The following DOCK7 variants were observed in gnomAD, a reference collection of about 807,000 sequenced individuals.
DOCK7 encodes dedicator of cytokinesis 7, also known as dedicator of cytokinesis protein 7.
Under a neutral mutation model 271.0 loss-of-function variants are expected in DOCK7, and 138 were observed. The ratio of observed to expected loss-of-function variants is 0.51; its 90% confidence interval spans 0.44 to 0.59. The LOEUF (loss-of-function observed/expected upper bound fraction) is 0.59, where lower values mean the gene tolerates loss of function less well. Among genes scored for constraint, DOCK7 ranks in the 20% least tolerant of loss-of-function variants. The probability of loss-of-function intolerance (pLI) is 0.00; values close to 1 mark genes in which losing one functional copy is unlikely to be tolerated. For synonymous variants in DOCK7, 823 were observed against 876.1 expected, an observed-to-expected ratio of 0.94 and a Z score of 1.07; for missense variants, 2,066 against 2,592.4, an observed-to-expected ratio of 0.80 and a Z score of 4.41.
At chr1:62,478,356 ACCCTCCAGAAG>A (rs1290401714) in intron 43 of DOCK7, 1 of 152,170 alleles carries the variant, frequency 6.6e-6, no homozygotes, top group African/African-American at 2.4e-5. Flanking sequence ...AAATGTCAAG[ACCCTCCAGAAG>A]CACTAATGCA....
Position 62,601,536 on chromosome 1 carries a change from T to C in DOCK7, c.1683-14912A>G, listed in dbSNP as rs76989076. 0.011 allele frequency among the ~76,000 whole-genome samples: 1,644 copies of C among 151,734 alleles called. 38 individuals carry two copies. Among genetic ancestry groups the C allele is most frequent in the African/African-American group, 0.037 (1,553 of 41,492 alleles). ...AGGTCACTGGACTCCAGACTGGTGA[T>C]AGAACAAGACTCTGTCTCTAAAAAA... is the stretch of plus-strand genomic sequence containing the variant. On this transcript the variant is annotated intron_variant, in intron 14 of 49. Coordinates refer to ENST00000635253, the MANE Select transcript of DOCK7 (RefSeq NM_001367561.1).
chr1:62,645,117 C>T (rs1232069775), intron 7 of DOCK7, among the ~76,000 whole-genome samples: 1 of 152,120 alleles, frequency 6.6e-6, no homozygotes, highest in East Asian at 1.9e-4. Flanking sequence ...TAAAATGGTG[C>T]AGCTGCTTTG....
At chr1:62,520,446 C>A (rs1319944924) in intron 31 of DOCK7, among the ~76,000 whole-genome samples, 1 of 147,376 alleles carries the variant, frequency 6.8e-6, no homozygotes, top group African/African-American at 2.5e-5. Flanking sequence ...AGGATATGAA[C>A]AGACACTTCT....
chr1:62,646,555 T>C (rs948161712), intron 7 of DOCK7, among the ~76,000 whole-genome samples: 24 of 152,016 alleles, frequency 1.6e-4, no homozygotes, highest in Non-Finnish European at 1.6e-4. Flanking sequence ...ACCAGAGACC[T>C]CTCTCTCTCT....
At chr1:62,549,200 A>G (rs1274860583) in intron 22 of DOCK7, among the ~76,000 whole-genome samples, 1 of 152,184 alleles carries the variant, frequency 6.6e-6, no homozygotes, top group African/African-American at 2.4e-5. Context: ...AAGCCAAATA[A>G]ATGAATAAAT....
At chr1:62,603,856 G>C (rs1459671523) in intron 14 of DOCK7, 7 of 967,632 alleles carry the variant, frequency 7.2e-6, no homozygotes, top group Non-Finnish European at 1.1e-5. Flanking sequence ...AATGATCAAG[G>C]GATTCAAGAC....
chr1:62,562,256 G>C (rs927972959), intron 18 of DOCK7, among the ~76,000 whole-genome samples: 7 of 22,902 alleles, frequency 3.1e-4, no homozygotes, highest in Non-Finnish European at 6.9e-4. Flanking sequence ...TTTTGAAATA[G>C]AGTCTCGCTC....
chr1:62,646,339 GAA>G (rs1184647206), intron 7 of DOCK7, among the ~76,000 whole-genome samples: 1 of 152,132 alleles, frequency 6.6e-6, no homozygotes, highest in African/African-American at 2.4e-5. Flanking sequence ...AGGTGCTGAG[GAA>G]AAGAGAGAAC....
chr1:62,625,165 T>C, intron 12 of DOCK7, 94 bp downstream of exon 12: 1 of 1,127,250 alleles, frequency 8.9e-7, no homozygotes, highest in Non-Finnish European at 1.2e-6. Context: ...GGAATCACCC[T>C]CCCATACATG....
chr1:62,653,006 T>C (rs1307746617), intron 4 of DOCK7, among the ~76,000 whole-genome samples: 2 of 152,210 alleles, frequency 1.3e-5, no homozygotes, highest in African/African-American at 4.8e-5. Flanking sequence ...CTTTTGCTAG[T>C]GCTATTTTGC....
At chr1:62,569,714 C>T (rs866091387) in intron 18 of DOCK7, among the ~76,000 whole-genome samples, 10 of 118,726 alleles carry the variant, frequency 8.4e-5, no homozygotes, top group Non-Finnish European at 1.2e-4. Flanking sequence ...CTCCCCCCTC[C>T]CCCCCCCCTT....
At chr1:62,495,749 C>A in intron 38 of DOCK7, 68 bp from the exon 39 acceptor site, 1 of 1,256,452 alleles carries the variant, frequency 8.0e-7, no homozygotes, top group Non-Finnish European at 1.1e-6. Flanking sequence ...AAATTAGTTT[C>A]AGAGATATTT....
At chr1:62,578,247 C>T (rs868175353) in intron 17 of DOCK7, among the ~76,000 whole-genome samples, 1 of 152,138 alleles carries the variant, frequency 6.6e-6, no homozygotes, top group Non-Finnish European at 1.5e-5. Context: ...TATATTTATA[C>T]TGCATTGTTG....
chr1:62,526,898 T>G (rs1645026554), intron 31 of DOCK7, among the ~76,000 whole-genome samples: 1 of 152,186 alleles, frequency 6.6e-6, no homozygotes, highest in Non-Finnish European at 1.5e-5. Context: ...AGTAGGTTAG[T>G]CACTCTCTAG....
intron 4 of DOCK7, among the ~76,000 whole-genome samples, chr1:62,650,136 G>T (rs1022600178): frequency 6.6e-6 from 1 of 152,026 alleles, no homozygotes; most frequent in Non-Finnish European, 1.5e-5. Flanking sequence ...CCCTCTTCTT[G>T]GCCCTCTCTA....
At chr1:62,489,733 T>C (rs1646404284) in intron 41 of DOCK7, among the ~76,000 whole-genome samples, 1 of 152,236 alleles carries the variant, frequency 6.6e-6, no homozygotes, top group Non-Finnish European at 1.5e-5. Context: ...TGTGTACTTA[T>C]CTATGCTTAT....
intron 14 of DOCK7, among the ~76,000 whole-genome samples, chr1:62,610,346 G>C (rs188168293): frequency 8.6e-5 from 13 of 151,986 alleles, no homozygotes; most frequent in African/African-American, 3.1e-4. Flanking sequence ...AAATGCTCCT[G>C]AATTTTCAGT....
At chr1:62,685,012 T>C (rs1192639823) in intron 1 of DOCK7, among the ~76,000 whole-genome samples, 4 of 152,226 alleles carry the variant, frequency 2.6e-5, no homozygotes, top group Non-Finnish European at 5.9e-5. Flanking sequence ...AACAGGCTTT[T>C]CACAGAGCAA....
rs145161774 is a variant in DOCK7, at chr1:62,579,998, C to T, written c.1872-1032G>A. ...AAGAGGGCACTTTTATAGAAAAGCACGGCTGCTATTCATAACAAAAAGGGA... is the reference window on the plus strand; with the variant it reads ...AAGAGGGCACTTTTATAGAAAAGCATGGCTGCTATTCATAACAAAAAGGGA... On this transcript the variant is annotated intron_variant, in intron 16 of 49. Coordinates refer to ENST00000635253, the MANE Select transcript of DOCK7 (RefSeq NM_001367561.1). Among the ~76,000 whole-genome samples, 421 of 152,170 alleles carry T rather than the reference C, an allele frequency of 2.8e-3. 1 individual carries two copies. The highest frequency in any genetic ancestry group is 6.8e-3 in the Middle Eastern group (2 of 294).
Sources: allele counts gnomAD v4.1 joint callset (sites outside exome capture counted in the v4.1 genomes callset), GRCh38; gene constraint gnomAD v4.1.1; transcripts MANE v1.5; gene names NCBI Gene and HGNC (gene_info 2026-07-23, HGNC 2026-07-21).